PTGFRN: variants seen among roughly 807,000 people sequenced by gnomAD.
PTGFRN encodes prostaglandin F2 receptor negative regulator.
Under a neutral mutation model 83.2 loss-of-function variants are expected in PTGFRN, and 35 were observed. That is an observed-to-expected ratio of 0.42 (90% CI 0.32 to 0.56). The LOEUF is 0.56. PTGFRN is among the 20% of genes least tolerant of loss of function. The pLI is 0.11. For synonymous variants in PTGFRN, 519 were observed against 498.6 expected (o/e 1.04, Z -0.55); for missense variants, 1,051 against 1,179.5 (o/e 0.89, Z 1.60).
intron 1 of PTGFRN, among the ~76,000 whole-genome samples, chr1:116,927,015 C>T (rs2767342): frequency 0.21 from 31,342 of 151,922 alleles, 7,545 homozygotes; most frequent in African/African-American, 0.59. Context: ...ATCACTTAGC[C>T]CCGAGATTGC....
At chr1:116,969,646 C>G (rs1239482351) in intron 6 of PTGFRN, among the ~76,000 whole-genome samples, 1 of 152,138 alleles carries the variant, frequency 6.6e-6, no homozygotes, top group Non-Finnish European at 1.5e-5. Context: ...GCATCTGGGA[C>G]TTTGATGGGG....
At position 116,974,200 on chromosome 1, in the gene PTGFRN, A is replaced by T. The variant is rs375712246; in HGVS notation, c.2060-16A>T. 1 of 1,542,168 alleles carries T rather than the reference A, an allele frequency of 6.5e-7. No individual in the cohort carries two copies. The highest frequency in any genetic ancestry group is 1.4e-5 in the African/African-American group (1 of 73,330). ...CATGAAAGAGAATAATGAGGCTGGCATTACTTTTTTTCCAGGTCCTATATT... is the reference window on the plus strand; with the variant it reads ...CATGAAAGAGAATAATGAGGCTGGCTTTACTTTTTTTCCAGGTCCTATATT... On this transcript the variant is annotated splice_polypyrimidine_tract_variant and intron_variant, in intron 6 of 8. Coordinates refer to ENST00000393203, the MANE Select transcript of PTGFRN (RefSeq NM_020440.4).
intron 7 of PTGFRN, among the ~76,000 whole-genome samples, chr1:116,983,931 C>G: frequency 6.6e-6 from 1 of 152,178 alleles, no homozygotes; most frequent in Non-Finnish European, 1.5e-5. Context: ...TTTTCACATT[C>G]CATGAGAATT....
chr1:116,959,163 C>A (rs1249441731), intron 4 of PTGFRN, among the ~76,000 whole-genome samples: 7 of 152,194 alleles, frequency 4.6e-5, no homozygotes, highest in Admixed American at 4.6e-4. Flanking sequence ...GTGTGTCCTT[C>A]AGTCAGTTTT....
In PTGFRN at chr1:116,941,029, T is replaced by G. The variant is rs1255196542; in HGVS notation, c.50-686T>G. Among the ~76,000 whole-genome samples, 2 of 152,218 alleles carry G rather than the reference T, an allele frequency of 1.3e-5. No individual in the cohort carries two copies. The highest frequency in any genetic ancestry group is 2.4e-5 in the African/African-American group (1 of 41,448). On this transcript the variant is annotated intron_variant, in intron 1 of 8. Coordinates refer to ENST00000393203, the MANE Select transcript of PTGFRN (RefSeq NM_020440.4). The surrounding 1 kb of genome is among the most constrained non-coding windows in gnomAD (Gnocchi z 5.0). ...GGGCTTATACCCGGCAACCAGCTGC[T>G]GCATTCCTAAGAACACCCAGCAACC...
At position 116,986,892 on chromosome 1, in the gene PTGFRN, C is replaced by G; in HGVS notation, c.2565C>G (p.Ser855=). The G allele has an allele frequency of 6.2e-7, 1 of 1,614,242 alleles. No homozygotes were observed. The highest frequency in any genetic ancestry group is 8.5e-7 in the Non-Finnish European group (1 of 1,180,036). The part of the protein sequence containing the change: ...LLSCLIGYCS[S]HWCCKKEVQE... ...CCTGTCTCATCGGGTACTGCAGCTC[C>G]CACTGGTGTTGTAAGAAGGAGGTTC... Residue 855 remains serine, a synonymous_variant, in exon 9 of 9, where the codon TCC becomes TCG. Transcript: ENST00000393203.
Position 116,961,193 on chromosome 1 carries a change from C to T in PTGFRN, c.1214-50C>T. 1 of 1,472,322 alleles carries T rather than the reference C, an allele frequency of 6.8e-7. No homozygotes were observed. Among genetic ancestry groups the T allele is most frequent in the Non-Finnish European group, 9.0e-7 (1 of 1,106,230 alleles). 91.2% of individuals were successfully genotyped at this position (1,472,322 alleles called of 1,614,324 possible). On this transcript the variant is annotated intron_variant, in intron 4 of 8. Coordinates refer to ENST00000393203, the MANE Select transcript of PTGFRN (RefSeq NM_020440.4). The surrounding 1 kb of genome is among the most constrained non-coding windows in gnomAD (Gnocchi z 5.4). ...TCTCATTCCTTTTGTTAATTCTTGC[C>T]ATGTTACTCTAATTATTTTCCTATC...
In PTGFRN at chr1:116,967,210, G is replaced by A. The variant is rs1650864867; in HGVS notation, c.1939G>A (p.Val647Ile). ...CCGCTATCGAATGTACCAGACTCAGGTCTCAGACGCAGGGCTGTACCGCTG... is the reference window on the plus strand; with the variant it reads ...CCGCTATCGAATGTACCAGACTCAGATCTCAGACGCAGGGCTGTACCGCTG... ...EFRYRMYQTQVSDAGLYRCMV... is the reference protein window; with the variant it reads ...EFRYRMYQTQISDAGLYRCMV... Residue 647 changes from valine (V) to isoleucine (I), a missense_variant, in exon 6 of 9, where the codon GTC (valine) becomes ATC (isoleucine). By Grantham distance (29) the Val-to-Ile change is conservative. Transcript: ENST00000393203. 1 of 1,614,182 alleles carries A rather than the reference G, an allele frequency of 6.2e-7. No individual in the cohort carries two copies. The highest frequency in any genetic ancestry group is 8.5e-7 in the Non-Finnish European group (1 of 1,180,030).
rs1243567179 is a variant in PTGFRN, at chr1:116,910,248, G to T, written c.45G>T (p.Ser15=). 1.4e-6 allele frequency: 2 copies of T among 1,448,316 alleles called. No individual in the cohort carries two copies. Among genetic ancestry groups the T allele is most frequent in the Admixed American group, 2.5e-5 (1 of 39,326 alleles). The allele number at this position is 1,448,316 out of a possible 1,614,324, so 89.7% of individuals were successfully genotyped here. ...GGCCGCTGCTGCTGGCGCTCCTGTC[G>T]TTGGGTGAGTGTGCGCGGGGCTCAG... ...ASRPLLLALL[S]LALCRGRVVR... is the part of the protein sequence containing the mutation. Residue 15 remains serine (S), a synonymous_variant, in exon 1 of 9, where the codon TCG becomes TCT. Transcript: ENST00000393203.
intron 3 of PTGFRN, among the ~76,000 whole-genome samples, 168 bp downstream of exon 3, chr1:116,945,260 G>A (rs983862518): frequency 2.0e-5 from 3 of 152,192 alleles, no homozygotes; most frequent in African/African-American, 4.8e-5. Context: ...GAGGTTGGAG[G>A]TGGGCGGGGT....
At chr1:116,917,004 C>T (rs934189203) in intron 1 of PTGFRN, among the ~76,000 whole-genome samples, 3 of 151,948 alleles carry the variant, frequency 2.0e-5, no homozygotes, top group African/African-American at 4.8e-5. Context: ...AGTCAGGGAA[C>T]GGAAGAAGTA....
chr1:116,960,605 T>C (rs552952409), intron 4 of PTGFRN, among the ~76,000 whole-genome samples: 1 of 152,264 alleles, frequency 6.6e-6, no homozygotes, highest in East Asian at 1.9e-4. Context: ...CGAGAATGTC[T>C]GTGGGAGAGT....
rs1030334583 is a variant in PTGFRN at position 116,984,467 on chromosome 1, C to T, written c.2168-213C>T. On this transcript the variant is annotated intron_variant, in intron 7 of 8. Coordinates refer to ENST00000393203, the MANE Select transcript of PTGFRN (RefSeq NM_020440.4). Reference sequence around the variant, plus strand: ...TGCACACTCTGCTACCTGCTGACTACATGACCTTGAGCAGGTATATAGTCT... The same window carrying T: ...TGCACACTCTGCTACCTGCTGACTATATGACCTTGAGCAGGTATATAGTCT... Among the ~76,000 whole-genome samples, 6 of 152,170 alleles carry T rather than the reference C, an allele frequency of 3.9e-5. No homozygotes were observed. The East Asian group carries it at 5.8e-4, about 15-fold the overall frequency.
At chr1:116,955,937 C>T (rs1451928645) in intron 4 of PTGFRN, among the ~76,000 whole-genome samples, 2 of 152,144 alleles carry the variant, frequency 1.3e-5, no homozygotes, top group East Asian at 3.8e-4. Context: ...AGGAGTGTGA[C>T]ATGTGAGTTC....
intron 1 of PTGFRN, among the ~76,000 whole-genome samples, chr1:116,915,133 A>C (rs1357121718): frequency 6.6e-6 from 1 of 152,216 alleles, no homozygotes; most frequent in African/African-American, 2.4e-5. Context: ...GGAAAAGTTT[A>C]CTAATGTTCG....
In PTGFRN at chr1:116,987,643, G is replaced by GA. The variant is rs1651544745; in HGVS notation, c.*679dup. On this transcript the variant is annotated 3_prime_UTR_variant, in exon 9 of 9. Coordinates refer to ENST00000393203, the MANE Select transcript of PTGFRN (RefSeq NM_020440.4). ...TGTATTTGTTTTCTGTGAGAGCACT[G>GA]AAATGGCAGCCCTGGAATCTACAAT... 1 of 145,366 alleles carries GA rather than the reference G, an allele frequency of 6.9e-6. No individual in the cohort carries two copies. The highest frequency in any genetic ancestry group is 7.1e-5 in the Admixed American group (1 of 14,068). 9.0% of individuals were successfully genotyped at this position (145,366 alleles called of 1,614,324 possible).
At chr1:116,947,869 G>A (rs540284623) in intron 3 of PTGFRN, among the ~76,000 whole-genome samples, 1 of 152,296 alleles carries the variant, frequency 6.6e-6, no homozygotes, top group East Asian at 1.9e-4. Context: ...AGAATTAGGA[G>A]ACTAGGTGGA....
At position 116,961,685 on chromosome 1, in the gene PTGFRN, T is replaced by A. The variant is rs765953004; in HGVS notation, c.1639+17T>A. 2 of 1,589,446 alleles carry A rather than the reference T, an allele frequency of 1.3e-6. No homozygotes were observed. The highest frequency in any genetic ancestry group is 8.6e-7 in the Non-Finnish European group (1 of 1,167,814). ...CATTAGAAGGTAGGAACTTTTTTCT[T>A]GTTATTCATTTTTGTTTTGTCTTTG... On this transcript the variant is annotated intron_variant, in intron 5 of 8. Coordinates refer to ENST00000393203, the MANE Select transcript of PTGFRN (RefSeq NM_020440.4). The surrounding 1 kb of genome is among the most constrained non-coding windows in gnomAD (Gnocchi z 5.4).
At chr1:116,931,244 AT>A (rs1195048394) in intron 1 of PTGFRN, among the ~76,000 whole-genome samples, 1 of 152,146 alleles carries the variant, frequency 6.6e-6, no homozygotes, top group Non-Finnish European at 1.5e-5. Flanking sequence ...AAAATCTGAA[AT>A]CCCAAACACT....
Sources: allele counts gnomAD v4.1 joint callset (sites outside exome capture counted in the v4.1 genomes callset), GRCh38; gene constraint gnomAD v4.1.1; non-coding constraint Gnocchi (gnomAD v3.1); transcripts MANE v1.5; gene names NCBI Gene and HGNC (gene_info 2026-07-23, HGNC 2026-07-21).